Variants in WDR4 observed in about 807,000 individuals in gnomAD.
WDR4 encodes the protein tRNA (guanine-N(7)-)-methyltransferase non-catalytic subunit WDR4.
In WDR4, 47 loss-of-function variants were observed where a neutral mutation model predicts 48.6. That is an observed-to-expected ratio of 0.97 (90% CI 0.77 to 1.23). The LOEUF is 1.23. Among genes scored for constraint, WDR4 ranks in the 50% most tolerant of loss-of-function variants. The pLI, the probability that WDR4 is intolerant of heterozygous loss-of-function variation, is 0.00. For synonymous variants in WDR4, 268 were observed against 230.0 expected, an observed-to-expected ratio of 1.17 and a Z score of -1.49; for missense variants, 606 against 551.6, an observed-to-expected ratio of 1.10 and a Z score of -0.99.
chr21:42,854,481 G>T (rs1311694231), intron 8 of WDR4, 81 bp downstream of exon 8: 5 of 1,423,496 alleles, frequency 3.5e-6, no homozygotes, highest in Non-Finnish European at 4.8e-6. Context: ...CATTGAGGAC[G>T]TGGGCCAGTG....
At chr21:42,852,992 G>A (rs993068855) in intron 9 of WDR4, among the ~76,000 whole-genome samples, 25 of 151,784 alleles carry the variant, frequency 1.6e-4, no homozygotes, top group Non-Finnish European at 2.8e-4. Context: ...CAACTCCACA[G>A]CAACCCTGTG....
chr21:42,870,002 A>G (rs1306554817), intron 3 of WDR4, among the ~76,000 whole-genome samples: 1 of 145,562 alleles, frequency 6.9e-6, no homozygotes, highest in Non-Finnish European at 1.5e-5. Flanking sequence ...AACAACAGCG[A>G]AACTCCATCT....
At chr21:42,860,881 G>A (rs533067269) in intron 5 of WDR4, among the ~76,000 whole-genome samples, 24 of 151,738 alleles carry the variant, frequency 1.6e-4, no homozygotes, top group Admixed American at 5.9e-4. Flanking sequence ...CAGACGCAGC[G>A]GGAGACGGCC....
At position 42,849,834 on chromosome 21, in the gene WDR4, C is replaced by T. The variant is rs757112788; in HGVS notation, c.*215G>A. 2.1e-5 allele frequency: 12 copies of T among 558,518 alleles called. No individual in the cohort carries two copies. The highest frequency in any genetic ancestry group is 3.7e-5 in the Non-Finnish European group (12 of 327,518). 34.6% of individuals were successfully genotyped at this position (558,518 alleles called of 1,614,324 possible). Reference sequence around the variant, plus strand: ...AAGAGCTTCCACTCCACTGGTCTGGCTTCCCTTCAACCAGAAAGGGGGCAC... The same window carrying T: ...AAGAGCTTCCACTCCACTGGTCTGGTTTCCCTTCAACCAGAAAGGGGGCAC... On this transcript the variant is annotated 3_prime_UTR_variant, in exon 11 of 11. Coordinates refer to ENST00000398208, the MANE Select transcript of WDR4 (RefSeq NM_018669.6).
rs139310940 is a variant in WDR4, at chr21:42,853,662, G to A, written c.882C>T (p.Asp294=). 28 of 1,597,384 alleles carry A rather than the reference G, an allele frequency of 1.8e-5. No homozygotes were observed. The highest frequency in any genetic ancestry group is 1.7e-4 in the African/African-American group (13 of 74,960). Residue 294 remains aspartate (D), a synonymous_variant, in exon 9 of 11, where the codon GAC becomes GAT. Coordinates refer to ENST00000398208, the MANE Select transcript of WDR4 (RefSeq NM_018669.6). The part of the protein sequence containing the change: ...QQLAFQHQVW[D]VAFEETQGLW... ...GCCCCTGGGTCTCCTCGAAAGCCAC[G>A]TCCCACACTTGGTGCTGGAACGCCA...
At chr21:42,891,956 C>CAAAAA in the WDR4 span, among the ~76,000 whole-genome samples, 1 of 134,088 alleles carries the variant, frequency 7.5e-6, no homozygotes, top group South Asian at 2.3e-4. Flanking sequence ...GACTCTGTCT[C>CAAAAA]AAAAAAAAAA....
intron 6 of WDR4, 45 bp downstream of exon 6, chr21:42,859,617 A>AG: frequency 3.3e-6 from 1 of 307,626 alleles, no homozygotes; most frequent in Non-Finnish European, 6.8e-6. Flanking sequence ...CCCTCCCTGC[A>AG]GGCTCAAGAA....
At chr21:42,850,668 C>T (rs1602688488) in intron 10 of WDR4, among the ~76,000 whole-genome samples, 1 of 152,168 alleles carries the variant, frequency 6.6e-6, no homozygotes, top group African/African-American at 2.4e-5. Context: ...TGAAGTCGGG[C>T]CCTGCCTGGT....
intron 6 of WDR4, among the ~76,000 whole-genome samples, chr21:42,858,737 T>C (rs2146029876): frequency 6.6e-6 from 1 of 152,266 alleles, no homozygotes; most frequent in African/African-American, 2.4e-5. Flanking sequence ...CTGGAGATTA[T>C]GGCCACACTT....
chr21:42,892,471 G>A, the WDR4 span, among the ~76,000 whole-genome samples: 11 of 133,836 alleles, frequency 8.2e-5, no homozygotes, highest in African/African-American at 3.5e-4. Flanking sequence ...AGTTTATCTT[G>A]CCACCTCAAT....
chr21:42,863,639 C>A, intron 3 of WDR4, 43 bp from the exon 4 acceptor site: 1 of 1,591,600 alleles, frequency 6.3e-7, no homozygotes, highest in Non-Finnish European at 8.6e-7. Context: ...CCAGGAGCAG[C>A]GCAGGGTCCT....
chr21:42,888,707 T>A, the WDR4 span, among the ~76,000 whole-genome samples: 1 of 151,314 alleles, frequency 6.6e-6, no homozygotes, highest in Non-Finnish European at 1.5e-5. Flanking sequence ...TAATTTTTTT[T>A]TTTTTTTTTT....
chr21:42,874,868 C>T (rs1217983431), intron 2 of WDR4, among the ~76,000 whole-genome samples: 1 of 152,088 alleles, frequency 6.6e-6, no homozygotes, highest in Non-Finnish European at 1.5e-5. Flanking sequence ...CTCCATTTGC[C>T]TCGTGATATT....
intron 4 of WDR4, 140 bp downstream of exon 4, chr21:42,863,300 G>T: frequency 9.7e-7 from 1 of 1,026,142 alleles, no homozygotes; most frequent in East Asian, 2.6e-5. Context: ...TGTCCCCCAC[G>T]TACTGCGTCT....
intron 7 of WDR4, 114 bp from the exon 8 acceptor site, chr21:42,854,740 A>T (rs763304797): frequency 7.7e-5 from 69 of 895,066 alleles, no homozygotes; most frequent in Non-Finnish European, 1.1e-4. Context: ...ATATCAAGGA[A>T]GAGGAAACAG....
At chr21:42,881,361 A>G (rs2058609500), upstream of WDR4, among the ~76,000 whole-genome samples, 1 of 152,176 alleles carries the variant, frequency 6.6e-6, no homozygotes, top group Non-Finnish European at 1.5e-5. Context: ...TACTTTCCCC[A>G]GCTTCAACCC....
chr21:42,876,803 T>A, intron 1 of WDR4, 36 bp from the exon 2 acceptor site: 2 of 1,584,872 alleles, frequency 1.3e-6, no homozygotes, highest in Non-Finnish European at 1.7e-6. Flanking sequence ...AAAGGAGTTA[T>A]CATTAGAGAG....
At chr21:42,859,628 T>C (rs375302910) in intron 6 of WDR4, 34 bp downstream of exon 6, 282 of 410,392 alleles carry the variant, frequency 6.9e-4, no homozygotes, top group African/African-American at 4.6e-3. Flanking sequence ...GGCTCAAGAA[T>C]CCAGAGGTGA....
At chr21:42,879,127 C>T (rs2058569483) in intron 1 of WDR4, 3 of 1,220,738 alleles carry the variant, frequency 2.5e-6, no homozygotes, top group Non-Finnish European at 3.1e-6. Context: ...AGCGACCCGG[C>T]GGCGCTAACC....
Sources: gnomAD v4.1 joint callset for allele counts (sites outside exome capture counted in the v4.1 genomes callset) on GRCh38, gnomAD v4.1.1 for gene constraint, MANE v1.5 for transcripts, NCBI Gene and HGNC (gene_info 2026-07-23, HGNC 2026-07-21) for gene names.